MGMT: variants seen among roughly 807,000 people sequenced by gnomAD.
The protein encoded by MGMT is O-6-methylguanine-DNA methyltransferase.
In MGMT, 14 loss-of-function variants were observed where a neutral mutation model predicts 15.9. That is an observed-to-expected ratio of 0.88 (90% confidence interval 0.58 to 1.37). MGMT has a LOEUF of 1.37. Among genes scored for constraint, MGMT ranks in the 40% most tolerant of loss-of-function variants. MGMT has a pLI of 0.00. For synonymous variants in MGMT, 130 were observed against 118.2 expected, an observed-to-expected ratio of 1.10 and a Z score of -0.65; for missense variants, 282 against 268.1, an observed-to-expected ratio of 1.05 and a Z score of -0.36.
intron 4 of MGMT, 61 bp from the exon 5 acceptor site, chr10:129,766,727 G>C: frequency 1.3e-6 from 2 of 1,481,682 alleles, no homozygotes; most frequent in Non-Finnish European, 1.8e-6. Flanking sequence ...CCTTGGCCTT[G>C]ACCCCAAAGA....
chr10:129,521,745 A>T (rs912971859), intron 1 of MGMT, among the ~76,000 whole-genome samples: 12 of 152,028 alleles, frequency 7.9e-5, no homozygotes, highest in Admixed American at 2.0e-4. Context: ...TGTGCTGTCC[A>T]CCCCAGGCCC....
intron 1 of MGMT, among the ~76,000 whole-genome samples, chr10:129,520,420 G>A (rs1455916321): frequency 6.6e-6 from 1 of 152,134 alleles, no homozygotes; most frequent in Non-Finnish European, 1.5e-5. Context: ...TACTCCTACC[G>A]TGCGCATACA....
intron 4 of MGMT, 83 bp downstream of exon 4, chr10:129,759,424 C>T (rs1331657707): frequency 8.8e-6 from 14 of 1,590,816 alleles, no homozygotes; most frequent in East Asian, 2.2e-5. Flanking sequence ...CGTGTTTCCT[C>T]GGAAGGCAGG....
intron 2 of MGMT, among the ~76,000 whole-genome samples, chr10:129,542,443 C>T (rs919845201): frequency 3.3e-5 from 5 of 152,210 alleles, no homozygotes; most frequent in Middle Eastern, 3.4e-3. Flanking sequence ...GCCGCATTCA[C>T]GTTACTATAA....
chr10:129,517,703 A>G (rs574634390), intron 1 of MGMT, among the ~76,000 whole-genome samples: 1 of 152,270 alleles, frequency 6.6e-6, no homozygotes, highest in East Asian at 1.9e-4. Context: ...CAGAGGAGGA[A>G]AAAGTCTGGG....
intron 3 of MGMT, among the ~76,000 whole-genome samples, chr10:129,743,888 T>C (rs1278470100): frequency 6.6e-5 from 10 of 152,246 alleles, no homozygotes; most frequent in Admixed American, 3.9e-4. Flanking sequence ...TGGGCTTGAC[T>C]CTGGAGCTTT....
At chr10:129,660,226 T>C (rs1431908232) in intron 2 of MGMT, among the ~76,000 whole-genome samples, 1 of 152,170 alleles carries the variant, frequency 6.6e-6, no homozygotes, top group East Asian at 1.9e-4. Flanking sequence ...GAACACGTGC[T>C]GGTGTAAATC....
chr10:129,480,335 A>G (rs1845343700), intron 1 of MGMT, among the ~76,000 whole-genome samples: 1 of 152,154 alleles, frequency 6.6e-6, no homozygotes, highest in Admixed American at 6.5e-5. Context: ...CGCTCTGTGA[A>G]CTTTTTGCTC....
At position 129,770,964 on chromosome 10, in the gene MGMT, T is replaced by A. The variant is rs1361918233; in HGVS notation, c.*3967T>A. Among the ~76,000 whole-genome samples, 1 of 152,126 alleles carries A rather than the reference T, an allele frequency of 6.6e-6. No individual in the cohort carries two copies. Among genetic ancestry groups the A allele is most frequent in the Non-Finnish European group, 1.5e-5 (1 of 68,014 alleles). ...TCTTTCCTGTTCATGGGCATTTGAT[T>A]AAAAGTTTGTGTTTAAAGAGCTGAA... is the stretch of plus-strand genomic sequence containing the variant. On this transcript the variant is annotated 3_prime_UTR_variant, in exon 5 of 5. Coordinates refer to ENST00000651593, the MANE Select transcript of MGMT (RefSeq NM_002412.5).
intron 4 of MGMT, 132 bp downstream of exon 4, chr10:129,759,473 T>G: frequency 2.2e-6 from 3 of 1,369,506 alleles, no homozygotes; most frequent in Non-Finnish European, 3.0e-6. Flanking sequence ...ATATCTGTGA[T>G]GGGGACCATT....
chr10:129,693,334 G>A (rs1014368869), intron 2 of MGMT, among the ~76,000 whole-genome samples: 1 of 152,192 alleles, frequency 6.6e-6, no homozygotes, highest in Non-Finnish European at 1.5e-5. Context: ...CAATTGAAAG[G>A]TATTTTCTTT....
chr10:129,751,408 C>A (rs4751119), intron 3 of MGMT, among the ~76,000 whole-genome samples: 53,997 of 151,608 alleles, frequency 0.36, 10,051 homozygotes, highest in East Asian at 0.54. Context: ...TTTGTTTCTT[C>A]TTTTCTGTCA....
At chr10:129,615,271 C>T (rs1847011521) in intron 2 of MGMT, among the ~76,000 whole-genome samples, 3 of 152,144 alleles carry the variant, frequency 2.0e-5, no homozygotes, top group Admixed American at 6.5e-5. Context: ...CCCTTGCCGC[C>T]GCCTCCCCTG....
At chr10:129,700,934 T>C (rs1848091387) in intron 2 of MGMT, 1 of 152,240 alleles carries the variant, frequency 6.6e-6, no homozygotes, top group Non-Finnish European at 1.5e-5. Flanking sequence ...GCTGAAGGCA[T>C]GTTCCTTCCT....
Position 129,566,141 on chromosome 10 carries a change from T to C in MGMT, c.125+29764T>C, listed in dbSNP as rs1199596254. Reference sequence around the variant, plus strand: ...GGGCTGGGGACTTGCTAGAGCAGGGTTCCCAGTGCCCCCAGGCTCTACTTT... The same window carrying C: ...GGGCTGGGGACTTGCTAGAGCAGGGCTCCCAGTGCCCCCAGGCTCTACTTT... On this transcript the variant is annotated intron_variant, in intron 2 of 4. Transcript: ENST00000651593. This position sits in a 1 kb window ranked among gnomAD's most constrained non-coding sequence, Gnocchi z 4.1. 6.6e-6 allele frequency among the ~76,000 whole-genome samples: 1 copy of C among 152,184 alleles called. No individual in the cohort carries two copies. The highest frequency in any genetic ancestry group is 1.9e-4 in the East Asian group (1 of 5,176).
chr10:129,687,568 C>T (rs947419892), intron 2 of MGMT, among the ~76,000 whole-genome samples: 2 of 152,184 alleles, frequency 1.3e-5, no homozygotes, highest in Admixed American at 6.5e-5. Flanking sequence ...TAGCTCCACC[C>T]CGTCCTCCTA....
chr10:129,672,413 C>T (rs1008893255), intron 2 of MGMT, among the ~76,000 whole-genome samples: 10 of 152,214 alleles, frequency 6.6e-5, no homozygotes, highest in Admixed American at 5.9e-4. Flanking sequence ...GTTCTCATCT[C>T]TTACTTCTTC....
chr10:129,471,296 G>A (rs1029613085), intron 1 of MGMT, among the ~76,000 whole-genome samples: 2 of 152,214 alleles, frequency 1.3e-5, no homozygotes, highest in African/African-American at 2.4e-5. Flanking sequence ...ATTCTGGCAC[G>A]GGATGTTCAG....
chr10:129,606,812 T>A (rs1846896863), intron 2 of MGMT, among the ~76,000 whole-genome samples: 1 of 152,176 alleles, frequency 6.6e-6, no homozygotes, highest in African/African-American at 2.4e-5. Context: ...GAATATTGAG[T>A]CACTTTGACT....
Sources: gnomAD v4.1 joint callset for allele counts (sites outside exome capture counted in the v4.1 genomes callset) on GRCh38, gnomAD v4.1.1 for gene constraint, Gnocchi (gnomAD v3.1) non-coding constraint, MANE v1.5 for transcripts, NCBI Gene and HGNC (gene_info 2026-07-23, HGNC 2026-07-21) for gene names.